The following PPP1R12B variants were observed in gnomAD, a reference collection of about 807,000 sequenced individuals.
PPP1R12B encodes protein phosphatase 1 regulatory subunit 12B.
PPP1R12B carries 76 observed loss-of-function variants against 126.1 expected under a neutral mutation model. The observed-to-expected ratio is 0.60, with a 90% CI of 0.50 to 0.73. The LOEUF (loss-of-function observed/expected upper bound fraction) is 0.73. Ranked by LOEUF, PPP1R12B falls within the 30% of genes least tolerant of loss-of-function variation. PPP1R12B has a pLI of 0.00. For synonymous variants in PPP1R12B, 356 were observed against 434.7 expected (o/e 0.82, Z 2.25); for missense variants, 1,052 against 1,205.1 (o/e 0.87, Z 1.88).
chr1:202,359,803 C>CAAACAA (rs1393614191), intron 1 of PPP1R12B, among the ~76,000 whole-genome samples: 14 of 151,904 alleles, frequency 9.2e-5, no homozygotes, highest in Admixed American at 8.5e-4. Context: ...GACTCTGTCT[C>CAAACAA]AAACAAAAAC....
chr1:202,446,254 A>ATT (rs879273755), intron 12 of PPP1R12B, among the ~76,000 whole-genome samples: 539 of 47,080 alleles, frequency 0.011, 3 homozygotes, highest in East Asian at 0.026. Flanking sequence ...ATATATATAT[A>ATT]TATTTTTTTT....
chr1:202,387,273 C>G (rs1456024620), intron 1 of PPP1R12B, among the ~76,000 whole-genome samples: 10 of 152,096 alleles, frequency 6.6e-5, no homozygotes, highest in Non-Finnish European at 1.2e-4. Context: ...ACTAACTGCT[C>G]CAGAAAATAG....
rs745902046 is a variant in PPP1R12B at position 202,496,738 on chromosome 1, T to G, written c.2449-43T>G. ...TGACCTTGTTGCTTTCAAGGATGTC[T>G]GTGACAATGAGCCTCTTGATTTTCT... On this transcript the variant is annotated intron_variant, in intron 17 of 23. Transcript: ENST00000608999. 5 of 1,566,912 alleles carry G rather than the reference T, an allele frequency of 3.2e-6. No individual in the cohort carries two copies. In the Admixed American group the frequency reaches 6.7e-5, roughly 21 times the overall value.
intron 18 of PPP1R12B, among the ~76,000 whole-genome samples, chr1:202,497,682 A>G (rs1312556091): frequency 6.6e-6 from 1 of 152,216 alleles, no homozygotes; most frequent in Non-Finnish European, 1.5e-5. Flanking sequence ...AGTGCCTTTA[A>G]TGACTAACGG....
chr1:202,451,921 C>A (rs1407413333), intron 13 of PPP1R12B, among the ~76,000 whole-genome samples: 1 of 151,676 alleles, frequency 6.6e-6, no homozygotes, highest in East Asian at 1.9e-4. Flanking sequence ...GGGTGGCTGC[C>A]GGGTGGAGGG....
chr1:202,478,976 T>A (rs1258380816), intron 13 of PPP1R12B, among the ~76,000 whole-genome samples: 1 of 152,204 alleles, frequency 6.6e-6, no homozygotes, highest in Non-Finnish European at 1.5e-5. Context: ...GAATTCAGTA[T>A]AATAGTGATA....
intron 23 of PPP1R12B, among the ~76,000 whole-genome samples, chr1:202,570,686 T>C (rs1397986902): frequency 6.6e-6 from 1 of 152,208 alleles, no homozygotes; most frequent in Non-Finnish European, 1.5e-5. Context: ...TTATTAGAGA[T>C]AACCAGTTCT....
intron 10 of PPP1R12B, chr1:202,439,273 T>C: frequency 7.1e-7 from 1 of 1,412,614 alleles, no homozygotes; most frequent in Non-Finnish European, 1.0e-6. Context: ...AGAGGCAAGA[T>C]ACTGGCCCAG....
intron 18 of PPP1R12B, among the ~76,000 whole-genome samples, chr1:202,548,061 A>G (rs908757351): frequency 6.6e-6 from 1 of 152,236 alleles, no homozygotes; most frequent in African/African-American, 2.4e-5. Flanking sequence ...ATCTCATTTT[A>G]ATGACAGGGA....
intron 18 of PPP1R12B, among the ~76,000 whole-genome samples, chr1:202,533,933 C>T (rs10753918): frequency 0.43 from 65,937 of 151,996 alleles, 15,661 homozygotes; most frequent in East Asian, 0.71. Context: ...TACTTTTACC[C>T]ACTACTTTGA....
At chr1:202,486,634 A>G (rs1678163558) in intron 13 of PPP1R12B, among the ~76,000 whole-genome samples, 2 of 152,164 alleles carry the variant, frequency 1.3e-5, no homozygotes, top group Non-Finnish European at 2.9e-5. Flanking sequence ...GCGAGACCTC[A>G]TCTCTACTAA....
rs1350535114 is a variant in PPP1R12B, at chr1:202,590,835, GT to G, written c.*10279del. ...GGCTCTGCCAGGCCCTGATTTTGAA[GT>G]TTTCAGCCCCAGGGTTTTCAGAAAG... is the stretch of plus-strand genomic sequence containing the variant. On this transcript the variant is annotated 3_prime_UTR_variant, in exon 24 of 24. Transcript: ENST00000608999. 1 of 152,058 alleles carries G rather than the reference GT, an allele frequency of 6.6e-6. No homozygotes were observed. Among genetic ancestry groups the G allele is most frequent in the African/African-American group, 2.4e-5 (1 of 41,390 alleles). The allele number at this position is 152,058 out of a possible 1,614,324, so 9.4% of individuals were successfully genotyped here.
At chr1:202,548,662 T>G (rs1481170376) in intron 18 of PPP1R12B, among the ~76,000 whole-genome samples, 1 of 151,704 alleles carries the variant, frequency 6.6e-6, no homozygotes, top group African/African-American at 2.4e-5. Flanking sequence ...ATAGGTGTGG[T>G]GGTGCATGCC....
At position 202,495,437 on chromosome 1, in the gene PPP1R12B, G is replaced by A. The variant is rs1297882840; in HGVS notation, c.2290G>A (p.Glu764Lys). 1 of 1,610,162 alleles carries A rather than the reference G, an allele frequency of 6.2e-7. No homozygotes were observed. Among genetic ancestry groups the A allele is most frequent in the East Asian group, 2.2e-5 (1 of 44,876 alleles). Reference sequence around the variant, plus strand: ...TTCAGTCCCTGATTCTGAGAGTTCAGAGACTACCACAAACACTACAACTGC... The same window carrying A: ...TTCAGTCCCTGATTCTGAGAGTTCAAAGACTACCACAAACACTACAACTGC... ...RFSVPDSESS[E>K]TTTNTTTAKE... Residue 764 changes from glutamate (E) to lysine (K), a missense_variant, in exon 16 of 24, where the codon GAG becomes AAG. Transcript: ENST00000608999.
At chr1:202,503,754 G>A (rs557528694) in intron 18 of PPP1R12B, among the ~76,000 whole-genome samples, 1 of 152,018 alleles carries the variant, frequency 6.6e-6, no homozygotes, top group East Asian at 1.9e-4. Context: ...TGGAACAATA[G>A]GCAGTTTTAT....
At chr1:202,383,221 A>G (rs1662624579) in intron 1 of PPP1R12B, among the ~76,000 whole-genome samples, 1 of 152,238 alleles carries the variant, frequency 6.6e-6, no homozygotes, top group East Asian at 1.9e-4. Context: ...CTTATGAGAT[A>G]TTGTTTAACT....
At chr1:202,360,996 TTCTCCTG>T (rs766554465) in intron 1 of PPP1R12B, among the ~76,000 whole-genome samples, 29 of 151,786 alleles carry the variant, frequency 1.9e-4, no homozygotes, top group Non-Finnish European at 3.4e-4. Context: ...GTTCATGCCA[TTCTCCTG>T]CCTCAGCCTC....
chr1:202,477,271 T>G (rs1205056185), intron 13 of PPP1R12B, among the ~76,000 whole-genome samples: 1 of 152,200 alleles, frequency 6.6e-6, no homozygotes, highest in South Asian at 2.1e-4. Context: ...GGGTTTGCAT[T>G]TAATCTTCAC....
intron 19 of PPP1R12B, 131 bp from the exon 20 acceptor site, chr1:202,562,647 T>A (rs150795853): frequency 8.5e-5 from 86 of 1,016,080 alleles, no homozygotes; most frequent in Non-Finnish European, 1.1e-4. Flanking sequence ...AAGGAAAGAA[T>A]GTTATGAGTT....
Sources: allele counts gnomAD v4.1 joint callset (sites outside exome capture counted in the v4.1 genomes callset), GRCh38; gene constraint gnomAD v4.1.1; transcripts MANE v1.5; gene names NCBI Gene and HGNC (gene_info 2026-07-23, HGNC 2026-07-21).